DGKI: variants seen among roughly 807,000 people sequenced by gnomAD.
DGKI encodes diacylglycerol kinase iota.
Under a neutral mutation model 147.5 loss-of-function variants are expected in DGKI, and 55 were observed. That is an observed-to-expected ratio of 0.37 (90% CI 0.30 to 0.47). DGKI has a LOEUF of 0.47. Among genes scored for constraint, DGKI ranks in the 20% least tolerant of loss-of-function variants. The pLI, the probability that DGKI is intolerant of heterozygous loss-of-function variation, is 1.00. For synonymous variants in DGKI, 469 were observed against 477.1 expected (o/e 0.98, Z 0.22); for missense variants, 1,007 against 1,323.8 (o/e 0.76, Z 3.71).
At chr7:137,452,991 C>T (rs1340525284) in intron 27 of DGKI, 4 of 152,244 alleles carry the variant, frequency 2.6e-5, no homozygotes, top group Admixed American at 2.0e-4. Flanking sequence ...TACACTCCTA[C>T]GTAGTCCCGA....
At chr7:137,567,337 CATCAATATCTGCCA>C (rs1818622812) in intron 19 of DGKI, among the ~76,000 whole-genome samples, 1 of 151,044 alleles carries the variant, frequency 6.6e-6, no homozygotes, top group African/African-American at 2.4e-5. Context: ...AGACATTGAC[CATCAATATCTGCCA>C]ACATTAAAAA....
At chr7:137,831,317 C>T (rs1798213703) in intron 1 of DGKI, among the ~76,000 whole-genome samples, 1 of 152,166 alleles carries the variant, frequency 6.6e-6, no homozygotes, top group Non-Finnish European at 1.5e-5. Context: ...CTGTATTAGT[C>T]CGTTTTCATG....
chr7:137,757,550 A>T (rs910228187), intron 1 of DGKI, among the ~76,000 whole-genome samples: 2 of 152,144 alleles, frequency 1.3e-5, no homozygotes, highest in African/African-American at 2.4e-5. Context: ...TCTCCCTGTC[A>T]GAGACCATTC....
At chr7:137,632,528 A>T (rs1361175384) in intron 6 of DGKI, among the ~76,000 whole-genome samples, 1 of 152,190 alleles carries the variant, frequency 6.6e-6, no homozygotes, top group South Asian at 2.1e-4. Flanking sequence ...TACCCTGGGT[A>T]TGAAGCAGCA....
intron 21 of DGKI, among the ~76,000 whole-genome samples, chr7:137,503,681 T>C (rs947726726): frequency 2.0e-5 from 3 of 152,202 alleles, no homozygotes; most frequent in Non-Finnish European, 4.4e-5. Flanking sequence ...CCAGATACTT[T>C]TGATTATTTT....
intron 1 of DGKI, among the ~76,000 whole-genome samples, chr7:137,720,758 C>T (rs1318897660): frequency 1.3e-5 from 2 of 152,012 alleles, no homozygotes; most frequent in Non-Finnish European, 2.9e-5. Flanking sequence ...TCCTTTATTC[C>T]TATTTGGTTA....
chr7:137,489,511 T>A (rs928175596), intron 21 of DGKI, among the ~76,000 whole-genome samples: 1 of 152,138 alleles, frequency 6.6e-6, no homozygotes, highest in African/African-American at 2.4e-5. Context: ...GGAAATTCAA[T>A]AAGGAGATCT....
chr7:137,600,989 G>A (rs1205947555), intron 10 of DGKI, among the ~76,000 whole-genome samples: 1 of 152,038 alleles, frequency 6.6e-6, no homozygotes, highest in Non-Finnish European at 1.5e-5. Context: ...ATGCAAGAAG[G>A]GGCCGGGCAC....
Position 137,752,416 on chromosome 7 carries a change from T to C in DGKI, c.402-62414A>G, listed in dbSNP as rs572153088. 1.3e-3 allele frequency among the ~76,000 whole-genome samples: 192 copies of C among 152,320 alleles called. 3 individuals are homozygous for C. The highest frequency in any genetic ancestry group is 1.4e-3 in the South Asian group (7 of 4,828). Reference sequence around the variant, plus strand: ...TAACTTAGAACAAAATGTACGGAATTCCGCTAAGGGAGGAGACCACCCCTC... The same window carrying C: ...TAACTTAGAACAAAATGTACGGAATCCCGCTAAGGGAGGAGACCACCCCTC... On this transcript the variant is annotated intron_variant, in intron 1 of 32. Transcript: ENST00000614521.
At chr7:137,700,777 C>G (rs567730337) in intron 1 of DGKI, among the ~76,000 whole-genome samples, 1 of 152,068 alleles carries the variant, frequency 6.6e-6, no homozygotes, top group Admixed American at 6.5e-5. Context: ...ACTTGGGAGG[C>G]TGAGGCAGGA....
chr7:137,404,263 G>A (rs936419244), intron 30 of DGKI, among the ~76,000 whole-genome samples: 1 of 152,170 alleles, frequency 6.6e-6, no homozygotes, highest in Admixed American at 6.5e-5. Context: ...CAAAACGACA[G>A]TTGAGCTGAA....
intron 1 of DGKI, among the ~76,000 whole-genome samples, chr7:137,821,138 C>T (rs1317305622): frequency 6.6e-6 from 1 of 152,166 alleles, no homozygotes; most frequent in Non-Finnish European, 1.5e-5. Context: ...AATGACAAGT[C>T]TCAGGGCTTC....
At chr7:137,618,639 A>T (rs1382754060) in intron 8 of DGKI, among the ~76,000 whole-genome samples, 3 of 152,084 alleles carry the variant, frequency 2.0e-5, no homozygotes, top group Non-Finnish European at 4.4e-5. Flanking sequence ...GAAAAAAAAA[A>T]TTTTAAAGTA....
intron 21 of DGKI, among the ~76,000 whole-genome samples, chr7:137,520,460 A>C (rs183781658): frequency 3.6e-4 from 55 of 152,210 alleles, no homozygotes; most frequent in African/African-American, 1.3e-3. Context: ...TGTCGCTTAT[A>C]AGTTCACTTA....
chr7:137,814,651 C>A (rs969340343), intron 1 of DGKI, among the ~76,000 whole-genome samples: 1 of 152,076 alleles, frequency 6.6e-6, no homozygotes, highest in African/African-American at 2.4e-5. Flanking sequence ...GGGAAAATAA[C>A]CTCAGAGACT....
At chr7:137,484,646 T>C (rs1815489654) in intron 23 of DGKI, among the ~76,000 whole-genome samples, 1 of 151,980 alleles carries the variant, frequency 6.6e-6, no homozygotes, top group South Asian at 2.1e-4. Context: ...AGAGGATGGC[T>C]GAAGAGATCT....
intron 12 of DGKI, among the ~76,000 whole-genome samples, chr7:137,588,028 G>C (rs1819470403): frequency 6.6e-6 from 1 of 152,180 alleles, no homozygotes; most frequent in Non-Finnish European, 1.5e-5. Context: ...TACTAAAATA[G>C]TGTTTCGCAG....
At chr7:137,423,537 C>T (rs553891466) in intron 28 of DGKI, among the ~76,000 whole-genome samples, 2 of 152,210 alleles carry the variant, frequency 1.3e-5, no homozygotes, top group South Asian at 4.2e-4. Flanking sequence ...GGTCAGAAGC[C>T]AAGTACAGTT....
chr7:137,585,193 CA>C lies in DGKI; in HGVS notation c.1563+15del, dbSNP rs775904890. Reference sequence around the variant, plus strand: ...TGCTCCAGGGCTCCTTTCTGCAGAACAAAAAACTCTCTAACCTTACATACGC... The same window carrying C: ...TGCTCCAGGGCTCCTTTCTGCAGAACAAAAACTCTCTAACCTTACATACGC... On this transcript the variant is annotated intron_variant, in intron 14 of 32. Coordinates refer to ENST00000614521, the MANE Select transcript of DGKI (RefSeq NM_001321708.2). 1.2e-6 allele frequency: 2 copies of C among 1,613,716 alleles called. No homozygotes were observed. Among genetic ancestry groups the C allele is most frequent in the Non-Finnish European group, 1.7e-6 (2 of 1,179,776 alleles).
Sources: allele counts gnomAD v4.1 joint callset (sites outside exome capture counted in the v4.1 genomes callset), GRCh38; gene constraint gnomAD v4.1.1; transcripts MANE v1.5; gene names NCBI Gene and HGNC (gene_info 2026-07-23, HGNC 2026-07-21).